The following TTC19 variants were observed in gnomAD, a reference collection of about 807,000 sequenced individuals.
The protein encoded by TTC19 is tetratricopeptide repeat domain 19, also known as tetratricopeptide repeat protein 19, mitochondrial.
In TTC19, 38 loss-of-function variants were observed where a neutral mutation model predicts 49.5. The observed-to-expected ratio is 0.77, with a 90% confidence interval of 0.59 to 1.01. TTC19 has a LOEUF of 1.01. TTC19 is among the 50% of genes least tolerant of loss of function. The pLI, the probability that TTC19 is intolerant of heterozygous loss-of-function variation, is 0.00. For synonymous variants in TTC19, 204 were observed against 185.2 expected (o/e 1.10, Z -0.83); for missense variants, 475 against 477.7 (o/e 0.99, Z 0.05).
chr17:16,002,331 CT>C (rs1205904333), intron 3 of TTC19, among the ~76,000 whole-genome samples: 1 of 152,138 alleles, frequency 6.6e-6, no homozygotes, highest in Non-Finnish European at 1.5e-5. Context: ...GCATGCATCA[CT>C]ATGCCTGGCT....
Position 16,006,470 on chromosome 17 carries a change from A to G in TTC19, c.582-4A>G, listed in dbSNP as rs1288419169. 1 of 1,600,320 alleles carries G rather than the reference A, an allele frequency of 6.2e-7. No homozygotes were observed. The highest frequency in any genetic ancestry group is 8.6e-7 in the Non-Finnish European group (1 of 1,167,834). On this transcript the variant is annotated splice_polypyrimidine_tract_variant and splice_region_variant and intron_variant, in intron 6 of 9. Transcript: ENST00000261647. ...AATGGCTGATTATTGATTTTGCTTT[A>G]CAGACAGGAATTTGCTGTTGCTGGC...
intron 2 of TTC19, among the ~76,000 whole-genome samples, chr17:16,000,830 A>C (rs1970704981): frequency 1.3e-5 from 2 of 152,196 alleles, no homozygotes; most frequent in Admixed American, 6.5e-5. Flanking sequence ...TAACATGCCC[A>C]AAACTAAACG....
chr17:16,037,166 C>T (rs1408578188), intron 2 of TTC19, among the ~76,000 whole-genome samples: 2 of 152,112 alleles, frequency 1.3e-5, no homozygotes, highest in Non-Finnish European at 2.9e-5. Context: ...GTGGAGGAGT[C>T]AGGACACACA....
At position 16,000,091 on chromosome 17, in the gene TTC19, C is replaced by T. The variant is rs757247336; in HGVS notation, c.185-27C>T. 14 of 1,460,978 alleles carry T rather than the reference C, an allele frequency of 9.6e-6. 1 individual carries two copies. Among genetic ancestry groups the T allele is most frequent in the Non-Finnish European group, 1.3e-5 (14 of 1,114,192 alleles). The allele number at this position is 1,460,978 out of a possible 1,614,324, so 90.5% of individuals were successfully genotyped here. ...CGGGGACAGGGGCGCGGGCCGGGCC[C>T]GATGACCTCAGAGCCCCTTCCCGCA... On this transcript the variant is annotated intron_variant, in intron 1 of 9. Coordinates refer to ENST00000261647, the MANE Select transcript of TTC19 (RefSeq NM_017775.4).
At chr17:16,040,800 C>T (rs538638558) in intron 2 of TTC19, 11 of 356,654 alleles carry the variant, frequency 3.1e-5, no homozygotes, top group African/African-American at 1.7e-4. Flanking sequence ...CAGGCTGAGG[C>T]GGTAGGACTG....
Position 16,027,597 on chromosome 17 carries a change from G to T in TTC19, c.*75G>T. The stretch of plus-strand genomic sequence containing the variant: ...TATCATTCCTGTCTCTGTGGCACCC[G>T]ATCAATGGCTTAAATCTGTCGTTTT... On this transcript the variant is annotated 3_prime_UTR_variant, in exon 10 of 10. Coordinates refer to ENST00000261647, the MANE Select transcript of TTC19 (RefSeq NM_017775.4). The T allele has an allele frequency of 1.3e-6, 2 of 1,539,510 alleles. No individual in the cohort carries two copies. The highest frequency in any genetic ancestry group is 1.1e-5 in the South Asian group (1 of 88,488).
rs1449328333 is a variant in TTC19, at chr17:16,028,717, A to G, written c.*1195A>G. The G allele has an allele frequency of 1.1e-5, 5 of 449,272 alleles. No individual in the cohort carries two copies. The highest frequency in any genetic ancestry group is 2.4e-5 in the Admixed American group (1 of 41,706). 27.8% of individuals were successfully genotyped at this position (449,272 alleles called of 1,614,324 possible). ...GGGGTGGGATGTGAGTGGGACTGAT[A>G]AACTGATACTTTTGGTTCGTATGTA... On this transcript the variant is annotated 3_prime_UTR_variant, in exon 10 of 10. Transcript: ENST00000261647.
intron 2 of TTC19, chr17:16,039,097 A>G (rs1597637947): frequency 4.9e-6 from 1 of 202,596 alleles, no homozygotes; most frequent in Non-Finnish European, 9.7e-6. Flanking sequence ...ACTGAGCCTA[A>G]TTTTTACAGT....
intron 7 of TTC19, chr17:16,024,335 GC>G (rs1302451354): frequency 2.0e-5 from 3 of 151,222 alleles, no homozygotes; most frequent in African/African-American, 7.3e-5. Flanking sequence ...TTGCTCTGTC[GC>G]CCAGGCTGGA....
intron 7 of TTC19, among the ~76,000 whole-genome samples, chr17:16,010,030 A>G (rs757509843): frequency 9.9e-5 from 15 of 151,946 alleles, no homozygotes; most frequent in Non-Finnish European, 2.1e-4. Context: ...ACAAATTTAT[A>G]TTTTTCTTTT....
chr17:16,003,710 G>A, intron 4 of TTC19, 121 bp from the exon 5 acceptor site: 1 of 863,050 alleles, frequency 1.2e-6, no homozygotes, highest in Non-Finnish European at 1.9e-6. Flanking sequence ...GTGTGCGTGT[G>A]TGTGGGTATA....
At chr17:16,008,314 C>G (rs753691686) in intron 7 of TTC19, among the ~76,000 whole-genome samples, 2 of 152,114 alleles carry the variant, frequency 1.3e-5, no homozygotes, top group Non-Finnish European at 2.9e-5. Flanking sequence ...TCAGTTTTGC[C>G]GCTCACAACT....
At chr17:16,007,921 C>G (rs1970960038) in intron 7 of TTC19, among the ~76,000 whole-genome samples, 1 of 152,192 alleles carries the variant, frequency 6.6e-6, no homozygotes, top group African/African-American at 2.4e-5. Flanking sequence ...ACTGAAGCTA[C>G]CTTTATCAAA....
chr17:16,000,564 C>T (rs986522757), intron 2 of TTC19: 2 of 482,188 alleles, frequency 4.1e-6, no homozygotes. Context: ...TCTGAAATGA[C>T]ATAATTTCGC....
chr17:16,042,300 T>G (rs1346441397), intron 2 of TTC19, among the ~76,000 whole-genome samples: 2 of 27,790 alleles, frequency 7.2e-5, no homozygotes, highest in Non-Finnish European at 1.5e-4. Context: ...GGAACAGGAG[T>G]CATTCATTTG....
intron 2 of TTC19, among the ~76,000 whole-genome samples, chr17:16,001,532 T>C (rs1317677587): frequency 2.0e-5 from 3 of 152,210 alleles, no homozygotes; most frequent in African/African-American, 7.2e-5. Context: ...CCCTTATCAT[T>C]CCTTTCTGTC....
At chr17:16,006,957 G>A (rs763478635) in intron 7 of TTC19, among the ~76,000 whole-genome samples, 2 of 152,156 alleles carry the variant, frequency 1.3e-5, no homozygotes, top group Non-Finnish European at 2.9e-5. Flanking sequence ...GAGAAAAAAA[G>A]CTCATGTTTT....
intron 2 of TTC19, among the ~76,000 whole-genome samples, chr17:16,036,455 C>A (rs987935049): frequency 6.6e-6 from 1 of 152,142 alleles, no homozygotes; most frequent in Non-Finnish European, 1.5e-5. Context: ...CTGCATTAGC[C>A]CCTAACAAGA....
chr17:16,040,905 T>A (rs542836241), intron 2 of TTC19: 3 of 182,464 alleles, frequency 1.6e-5, no homozygotes, highest in South Asian at 2.2e-4. Context: ...AAAGAAGCAG[T>A]GTAACCCAGA....
Sources: allele counts gnomAD v4.1 joint callset (sites outside exome capture counted in the v4.1 genomes callset), GRCh38; gene constraint gnomAD v4.1.1; transcripts MANE v1.5; gene names NCBI Gene and HGNC (gene_info 2026-07-23, HGNC 2026-07-21).